The following EDNRB variants were observed in gnomAD, a reference collection of about 807,000 sequenced individuals.
The protein encoded by EDNRB is Hirschsprung disease 2.
Under a neutral mutation model 46.4 loss-of-function variants are expected in EDNRB, and 18 were observed. That is an observed-to-expected ratio of 0.39 (90% CI 0.27 to 0.57). The LOEUF is 0.57. Among genes scored for constraint, EDNRB ranks in the 20% least tolerant of loss-of-function variants. The pLI is 0.61. For synonymous variants in EDNRB, 213 were observed against 204.9 expected, an observed-to-expected ratio of 1.04 and a Z score of -0.34; for missense variants, 434 against 537.5, an observed-to-expected ratio of 0.81 and a Z score of 1.90.
At chr13:77,938,898 C>T (rs1460027890) in intron 1 of EDNRB, among the ~76,000 whole-genome samples, 1 of 152,166 alleles carries the variant, frequency 6.6e-6, no homozygotes, top group East Asian at 1.9e-4. Context: ...ATAGGTGGAT[C>T]TTTTTCACAG....
At chr13:77,967,003 A>C (rs1881601222) in intron 1 of EDNRB, among the ~76,000 whole-genome samples, 1 of 152,192 alleles carries the variant, frequency 6.6e-6, no homozygotes, top group Non-Finnish European at 1.5e-5. Flanking sequence ...TCCTAGTTTA[A>C]TTGTTTCCAA....
Position 77,897,278 on chromosome 13 carries a change from C to A in EDNRB, c.*922G>T. On this transcript the variant is annotated 3_prime_UTR_variant, in exon 7 of 7. Coordinates refer to ENST00000646607, the MANE Select transcript of EDNRB (RefSeq NM_001122659.3). ...AGGTAAGTATTTACAGATGACAAAA[C>A]CAAACAGAGTTTAAGCTACGATAGT... 1 of 985,134 alleles carries A rather than the reference C, an allele frequency of 1.0e-6. No individual in the cohort carries two copies. Among genetic ancestry groups the A allele is most frequent in the Non-Finnish European group, 1.2e-6 (1 of 829,834 alleles). The allele number at this position is 985,134 out of a possible 1,614,324, so 61.0% of individuals were successfully genotyped here.
chr13:77,951,539 A>G (rs994008801), intron 1 of EDNRB, among the ~76,000 whole-genome samples: 8 of 152,192 alleles, frequency 5.3e-5, no homozygotes, highest in African/African-American at 1.9e-4. Context: ...GTTCAAATAC[A>G]GTTAAGTAAA....
intron 1 of EDNRB, among the ~76,000 whole-genome samples, chr13:77,955,708 A>G (rs752485817): frequency 5.3e-5 from 8 of 152,054 alleles, no homozygotes; most frequent in Non-Finnish European, 1.0e-4. Flanking sequence ...AGTTTTTCCA[A>G]TACTGTTTAT....
At chr13:77,974,729 T>C (rs1291328471) in intron 1 of EDNRB, among the ~76,000 whole-genome samples, 1 of 152,148 alleles carries the variant, frequency 6.6e-6, no homozygotes, top group Non-Finnish European at 1.5e-5. Flanking sequence ...GGAACTGGTC[T>C]GGGTGCCCTG....
chr13:77,933,335 CA>C (rs763221921), intron 1 of EDNRB, among the ~76,000 whole-genome samples: 174 of 152,126 alleles, frequency 1.1e-3, no homozygotes, highest in Non-Finnish European at 2.1e-3. Flanking sequence ...CGAAGGGAGA[CA>C]GGGGTGGGGC....
In EDNRB at chr13:77,903,613, T is replaced by A. The variant is rs201165417; in HGVS notation, c.484-6A>T. The A allele has an allele frequency of 2.9e-5, 47 of 1,612,002 alleles. No individual in the cohort carries two copies. The South Asian group carries it at 4.9e-4, about 17-fold the overall frequency. On this transcript the variant is annotated splice_region_variant and splice_polypyrimidine_tract_variant and intron_variant, in intron 1 of 6. Transcript: ENST00000646607. ...GGCCAGTCCTCTGCCAGCAGCTGCA[T>A]TGAGAAGACACGAAGCTCTGTTAGG...
chr13:77,951,927 C>T (rs902833668), intron 1 of EDNRB, among the ~76,000 whole-genome samples: 20 of 152,248 alleles, frequency 1.3e-4, no homozygotes, highest in African/African-American at 3.9e-4. Flanking sequence ...CCTTTGGGTT[C>T]GGGGTCTCTT....
At position 77,901,106 on chromosome 13, in the gene EDNRB, CA is replaced by C. The variant is rs762023761; in HGVS notation, c.902del (p.Leu301Ter). 2 of 1,611,206 alleles carry C rather than the reference CA, an allele frequency of 1.2e-6. No homozygotes were observed. Among genetic ancestry groups the C allele is most frequent in the African/African-American group, 2.7e-5 (2 of 74,696 alleles). On this transcript the variant is annotated frameshift_variant, in exon 4 of 7. Coordinates refer to ENST00000646607, the MANE Select transcript of EDNRB (RefSeq NM_001122659.3). LOFTEE classifies it high-confidence loss of function. ...FFYTLMTCEMLRKKSGMQIAL... is the reference protein window; with the variant it reads ...FFYTLMTCEMXRKKSGMQIAL... ...CAATCTGCATGCCACTTTTCTTTCTCAACATTTCACAGGTCATTAGTGTATA... is the reference window on the plus strand; with the variant it reads ...CAATCTGCATGCCACTTTTCTTTCTCACATTTCACAGGTCATTAGTGTATA...
chr13:77,922,744 T>A (rs1383873908), upstream of EDNRB, among the ~76,000 whole-genome samples: 2 of 152,246 alleles, frequency 1.3e-5, no homozygotes, highest in Non-Finnish European at 2.9e-5. Flanking sequence ...TAATTAAGTA[T>A]AATGTATGTA....
At chr13:77,914,798 A>G (rs17068554) in intron 1 of EDNRB, among the ~76,000 whole-genome samples, 25,961 of 152,148 alleles carry the variant, frequency 0.17, 2,704 homozygotes, top group East Asian at 0.54. Flanking sequence ...AGTCCCACCA[A>G]TTCCACAGCC....
chr13:77,966,592 T>C (rs999412333), intron 1 of EDNRB, among the ~76,000 whole-genome samples: 5 of 152,212 alleles, frequency 3.3e-5, no homozygotes, highest in African/African-American at 1.2e-4. Context: ...ACTCTTAAGC[T>C]ATGAAATACC....
intron 1 of EDNRB, among the ~76,000 whole-genome samples, chr13:77,970,624 G>T (rs1473402972): frequency 2.0e-5 from 3 of 151,898 alleles, no homozygotes; most frequent in Non-Finnish European, 4.4e-5. Flanking sequence ...CACTTTACTT[G>T]TGTTGTTTAT....
At position 77,955,845 on chromosome 13, in the gene EDNRB, GTATCTATCTATCTATC is replaced by G. The variant is rs61434836; in HGVS notation, c.-52+19486_-52+19501del. Reference sequence around the variant, plus strand: ...CATTGGGGTGTGTGTATGTGTGTGTGTATCTATCTATCTATCTATCTATCTATCTATCTATCTATCT... The same window carrying G: ...CATTGGGGTGTGTGTATGTGTGTGTGTATCTATCTATCTATCTATCTATCT... On this transcript the variant is annotated intron_variant, in intron 1 of 7. Transcript: ENST00000646948. Among the ~76,000 whole-genome samples, 55 of 145,738 alleles carry G rather than the reference GTATCTATCTATCTATC, an allele frequency of 3.8e-4. 2 individuals are homozygous for G. Among genetic ancestry groups the G allele is most frequent in the Middle Eastern group, 3.5e-3 (1 of 288 alleles).
In EDNRB at chr13:77,932,496, A is replaced by G. The variant is rs148287542; in HGVS notation, c.-51-13872T>C. 3.3e-5 allele frequency among the ~76,000 whole-genome samples: 5 copies of G among 152,334 alleles called. No individual in the cohort carries two copies. In the East Asian group the frequency reaches 9.6e-4, roughly 29 times the overall value. On this transcript the variant is annotated intron_variant, in intron 1 of 7. Transcript: ENST00000646948. The stretch of plus-strand genomic sequence containing the variant: ...AAGTCTTACAAAATCCCTGTGAAAT[A>G]GGTATTATTTCTACAGTGTTAAACA...
chr13:77,899,164 G>A (rs550863202), intron 6 of EDNRB, among the ~76,000 whole-genome samples: 28 of 151,960 alleles, frequency 1.8e-4, no homozygotes, highest in African/African-American at 6.7e-4. Flanking sequence ...ATGAGTGGGC[G>A]AAGAATGTTA....
At chr13:77,950,503 C>A (rs945283394) in intron 1 of EDNRB, among the ~76,000 whole-genome samples, 3 of 152,246 alleles carry the variant, frequency 2.0e-5, no homozygotes, top group African/African-American at 7.2e-5. Context: ...GGAGGCTCTG[C>A]TCCACCCAAA....
chr13:77,949,386 CT>C (rs1881024943), intron 1 of EDNRB, among the ~76,000 whole-genome samples: 1 of 152,200 alleles, frequency 6.6e-6, no homozygotes, highest in South Asian at 2.1e-4. Flanking sequence ...TGAGGGTTCC[CT>C]GTTGTCTGGC....
chr13:77,972,762 A>G (rs934796869), intron 1 of EDNRB, among the ~76,000 whole-genome samples: 1 of 152,372 alleles, frequency 6.6e-6, no homozygotes, highest in African/African-American at 2.4e-5. Flanking sequence ...TCCGCAATAG[A>G]ATGAGGAAAG....
Sources: gnomAD v4.1 joint callset for allele counts (sites outside exome capture counted in the v4.1 genomes callset) on GRCh38, gnomAD v4.1.1 for gene constraint, MANE v1.5 for transcripts, NCBI Gene and HGNC (gene_info 2026-07-23, HGNC 2026-07-21) for gene names.